The following OSBPL1A variants were observed in gnomAD, a reference collection of about 807,000 sequenced individuals.
The protein encoded by OSBPL1A is oxysterol-binding protein-related protein 1.
Under a neutral mutation model 137.1 loss-of-function variants are expected in OSBPL1A, and 80 were observed. The observed-to-expected ratio is 0.58, with a 90% CI of 0.49 to 0.70. The LOEUF is 0.70. Ranked by LOEUF, OSBPL1A falls within the 30% of genes least tolerant of loss-of-function variation. The pLI is 0.00. For missense variants in OSBPL1A, 970 were observed against 1,129.4 expected, an observed-to-expected ratio of 0.86 and a Z score of 2.02; for synonymous variants, 365 against 389.7, an observed-to-expected ratio of 0.94 and a Z score of 0.75.
In OSBPL1A at chr18:24,292,393, T is replaced by C. The variant is rs75522410; in HGVS notation, c.1174+11244A>G. 1.3e-3 allele frequency among the ~76,000 whole-genome samples: 196 copies of C among 152,338 alleles called. 3 individuals carry two copies. In the East Asian group the frequency reaches 0.033, roughly 25 times the overall value. ...TATTTCATGTCTCTAAAAGGTCTCTTTGACTTGTACACTCGTTAAATTTAC... is the reference window on the plus strand; with the variant it reads ...TATTTCATGTCTCTAAAAGGTCTCTCTGACTTGTACACTCGTTAAATTTAC... On this transcript the variant is annotated intron_variant, in intron 14 of 27. Coordinates refer to ENST00000319481, the MANE Select transcript of OSBPL1A (RefSeq NM_080597.4).
chr18:24,270,911 C>T (rs575950144), intron 15 of OSBPL1A, among the ~76,000 whole-genome samples: 1 of 152,236 alleles, frequency 6.6e-6, no homozygotes, highest in African/African-American at 2.4e-5. Flanking sequence ...GTACTAAGCT[C>T]TTCTCTGGCA....
intron 4 of OSBPL1A, among the ~76,000 whole-genome samples, chr18:24,348,573 G>C (rs2091385602): frequency 6.6e-6 from 1 of 152,046 alleles, no homozygotes; most frequent in Non-Finnish European, 1.5e-5. Flanking sequence ...AGGAGTTTGA[G>C]ATCTGCCTGG....
intron 14 of OSBPL1A, among the ~76,000 whole-genome samples, chr18:24,284,855 T>C (rs1384777932): frequency 6.6e-6 from 1 of 152,212 alleles, no homozygotes; most frequent in Non-Finnish European, 1.5e-5. Flanking sequence ...AAAAAACTAT[T>C]TTCTTTCAAG....
intron 9 of OSBPL1A, 51 bp from the exon 10 acceptor site, chr18:24,317,451 TG>T: frequency 7.2e-7 from 1 of 1,387,658 alleles, no homozygotes; most frequent in Non-Finnish European, 1.0e-6. Flanking sequence ...TAGATTCAAA[TG>T]CTTGACTGAT....
chr18:24,203,433 T>A (rs539296544), intron 17 of OSBPL1A, among the ~76,000 whole-genome samples: 3 of 152,324 alleles, frequency 2.0e-5, no homozygotes, highest in Admixed American at 6.5e-5. Flanking sequence ...GTGCATTTTT[T>A]AAATTGAAAT....
At chr18:24,263,562 T>C (rs997194288) in intron 15 of OSBPL1A, among the ~76,000 whole-genome samples, 4 of 152,202 alleles carry the variant, frequency 2.6e-5, no homozygotes, top group Non-Finnish European at 4.4e-5. Context: ...TCCTTGACAT[T>C]ACCTATAACA....
At position 24,225,128 on chromosome 18, in the gene OSBPL1A, C is replaced by T. The variant is rs761144373; in HGVS notation, c.1515G>A (p.Glu505=). 3 of 1,614,166 alleles carry T rather than the reference C, an allele frequency of 1.9e-6. No individual in the cohort carries two copies. Among genetic ancestry groups the T allele is most frequent in the South Asian group, 1.1e-5 (1 of 91,080 alleles). ...VTARSFEEEG[E]HLGSRKHRMS... ...TTCTGTGTTTTCTACTGCCCAAATG[C>T]TCTCCTTCCTCTTCAAAGGAGCGTG... Residue 505 remains glutamate, a synonymous_variant, in exon 17 of 28, where the codon GAG becomes GAA. Coordinates refer to ENST00000319481, the MANE Select transcript of OSBPL1A (RefSeq NM_080597.4).
chr18:24,250,517 C>T (rs1463453242), intron 15 of OSBPL1A, among the ~76,000 whole-genome samples: 1 of 152,202 alleles, frequency 6.6e-6, no homozygotes, highest in East Asian at 1.9e-4. Flanking sequence ...CAGAAGGGAA[C>T]CTGCTGCCTA....
At chr18:24,289,149 G>A (rs1284219444) in intron 14 of OSBPL1A, among the ~76,000 whole-genome samples, 1 of 151,998 alleles carries the variant, frequency 6.6e-6, no homozygotes, top group Non-Finnish European at 1.5e-5. Context: ...CAAAAAAGGG[G>A]GATTTCTTTT....
intron 16 of OSBPL1A, among the ~76,000 whole-genome samples, chr18:24,227,434 C>T (rs910423841): frequency 6.6e-6 from 1 of 152,124 alleles, no homozygotes; most frequent in Non-Finnish European, 1.5e-5. Context: ...CAGGATAATG[C>T]TTTGCAACTC....
intron 21 of OSBPL1A, among the ~76,000 whole-genome samples, chr18:24,175,102 GTGTATGTATATATATATATA>G (rs1466386836): frequency 2.4e-5 from 2 of 83,614 alleles, no homozygotes; most frequent in African/African-American, 1.5e-4. Context: ...TATTTGCCAT[GTGTATGTATATATATATATA>G]TATATATATA....
chr18:24,167,516 C>A, intron 24 of OSBPL1A, 71 bp from the exon 25 acceptor site: 1 of 1,228,558 alleles, frequency 8.1e-7, no homozygotes, highest in Non-Finnish European at 1.2e-6. Context: ...CACATAATGA[C>A]ATTTTCAGTC....
intron 17 of OSBPL1A, among the ~76,000 whole-genome samples, chr18:24,222,681 G>A (rs2145983848): frequency 6.6e-6 from 1 of 152,096 alleles, no homozygotes; most frequent in South Asian, 2.1e-4. Context: ...ATAGTTCCAT[G>A]GCTAAAAAAG....
At chr18:24,190,288 G>C (rs1599463526) in intron 18 of OSBPL1A, among the ~76,000 whole-genome samples, 1 of 140,056 alleles carries the variant, frequency 7.1e-6, no homozygotes, top group East Asian at 2.2e-4. Context: ...ACCTGCACTG[G>C]AGGGACCGTG....
chr18:24,290,360 C>G (rs1405799895), intron 14 of OSBPL1A, among the ~76,000 whole-genome samples: 2 of 152,140 alleles, frequency 1.3e-5, no homozygotes, highest in East Asian at 3.8e-4. Context: ...AGGTGGGTGT[C>G]AGACAGAACA....
intron 18 of OSBPL1A, among the ~76,000 whole-genome samples, chr18:24,184,002 C>T (rs775779951): frequency 4.6e-5 from 7 of 152,118 alleles, no homozygotes; most frequent in Non-Finnish European, 7.3e-5. Context: ...GTACTAAGTA[C>T]TAATATAATA....
chr18:24,234,252 T>C (rs536129804), intron 16 of OSBPL1A, among the ~76,000 whole-genome samples: 2 of 152,230 alleles, frequency 1.3e-5, no homozygotes, highest in Non-Finnish European at 2.9e-5. Context: ...TGCGCATGAA[T>C]GTCTAGCCCT....
intron 17 of OSBPL1A, among the ~76,000 whole-genome samples, chr18:24,201,545 T>C (rs2087220310): frequency 6.6e-6 from 1 of 152,236 alleles, no homozygotes; most frequent in Admixed American, 6.5e-5. Context: ...GACAGATCAC[T>C]TGAGGTCAGG....
At chr18:24,325,735 G>T (rs2146132428) in intron 7 of OSBPL1A, among the ~76,000 whole-genome samples, 1 of 152,318 alleles carries the variant, frequency 6.6e-6, no homozygotes, top group South Asian at 2.1e-4. Flanking sequence ...CAGCACCTAG[G>T]ACGGTTCTTG....
Sources: allele counts gnomAD v4.1 joint callset (sites outside exome capture counted in the v4.1 genomes callset), GRCh38; gene constraint gnomAD v4.1.1; transcripts MANE v1.5; gene names NCBI Gene and HGNC (gene_info 2026-07-23, HGNC 2026-07-21).